Variants in NEGR1 observed in about 807,000 individuals in gnomAD.
NEGR1 encodes the protein neuronal growth regulator 1.
In NEGR1, 10 loss-of-function variants were observed where a neutral mutation model predicts 40.9. That is an observed-to-expected ratio of 0.24 (90% CI 0.15 to 0.42). NEGR1 has a LOEUF of 0.42. NEGR1 is among the 10% of genes least tolerant of loss of function. NEGR1 has a pLI of 1.00. For missense variants in NEGR1, 352 were observed against 438.9 expected, an observed-to-expected ratio of 0.80 and a Z score of 1.77; for synonymous variants, 185 against 166.8, an observed-to-expected ratio of 1.11 and a Z score of -0.84.
intron 1 of NEGR1, among the ~76,000 whole-genome samples, chr1:72,035,947 C>T (rs1470114813): frequency 1.3e-5 from 2 of 152,062 alleles, no homozygotes; most frequent in Admixed American, 6.6e-5. Context: ...ATATCTCACT[C>T]GTTGTATTGT....
chr1:71,495,182 C>T (rs1646953482), intron 6 of NEGR1, among the ~76,000 whole-genome samples: 1 of 152,020 alleles, frequency 6.6e-6, no homozygotes, highest in Non-Finnish European at 1.5e-5. Flanking sequence ...TTGGAGGAGT[C>T]AAAAGTCATG....
intron 1 of NEGR1, among the ~76,000 whole-genome samples, chr1:72,135,375 C>CAAAAAAA (rs71074819): frequency 1.1e-4 from 8 of 71,374 alleles, no homozygotes; most frequent in Middle Eastern, 0.011. Context: ...GACTCCGTCT[C>CAAAAAAA]AAAAAAAAAA....
At chr1:71,688,762 G>T (rs1226341254) in intron 4 of NEGR1, among the ~76,000 whole-genome samples, 1 of 152,108 alleles carries the variant, frequency 6.6e-6, no homozygotes, top group Non-Finnish European at 1.5e-5. Flanking sequence ...GAGGAAGGTT[G>T]ACATGTAAAC....
chr1:72,174,848 A>G (rs993280465), intron 1 of NEGR1, among the ~76,000 whole-genome samples: 1 of 152,166 alleles, frequency 6.6e-6, no homozygotes, highest in African/African-American at 2.4e-5. Flanking sequence ...AGTAAAAACA[A>G]AAACAAAAAA....
chr1:71,795,089 A>G (rs1027825573), intron 2 of NEGR1, among the ~76,000 whole-genome samples: 39 of 152,100 alleles, frequency 2.6e-4, no homozygotes, highest in Admixed American at 2.0e-3. Context: ...GGTAATACCA[A>G]GTTGATGAGA....
chr1:71,681,554 A>G (rs1281107952), intron 4 of NEGR1, among the ~76,000 whole-genome samples: 1 of 152,152 alleles, frequency 6.6e-6, no homozygotes, highest in Non-Finnish European at 1.5e-5. Context: ...CTTCAAATTC[A>G]GTATGATGTA....
intron 6 of NEGR1, among the ~76,000 whole-genome samples, chr1:71,425,114 A>G (rs1452338735): frequency 6.6e-6 from 1 of 150,986 alleles, no homozygotes; most frequent in Non-Finnish European, 1.5e-5. Context: ...TTAGAAATTA[A>G]AAAAAAAAGA....
intron 1 of NEGR1, among the ~76,000 whole-genome samples, chr1:71,959,401 C>A (rs1646145051): frequency 6.6e-6 from 1 of 152,042 alleles, no homozygotes; most frequent in Admixed American, 6.6e-5. Flanking sequence ...TGGTACAAAC[C>A]CAAATAAATT....
chr1:72,002,818 T>C (rs1285559089), intron 1 of NEGR1, among the ~76,000 whole-genome samples: 2 of 152,204 alleles, frequency 1.3e-5, no homozygotes, highest in East Asian at 3.8e-4. Flanking sequence ...ATTTACCACA[T>C]ATCTCTCATG....
At chr1:71,570,915 A>G (rs1268906807) in intron 6 of NEGR1, 1 of 152,162 alleles carries the variant, frequency 6.6e-6, no homozygotes, top group Non-Finnish European at 1.5e-5. Flanking sequence ...CAATTGATAG[A>G]AAAAGGCACC....
intron 1 of NEGR1, among the ~76,000 whole-genome samples, chr1:72,047,100 C>T (rs1647009775): frequency 6.6e-6 from 1 of 151,382 alleles, no homozygotes; most frequent in East Asian, 1.9e-4. Context: ...TGGCTTCTTC[C>T]CAAGTTCATT....
At chr1:71,804,110 A>C (rs1657664798) in intron 2 of NEGR1, among the ~76,000 whole-genome samples, 1 of 152,180 alleles carries the variant, frequency 6.6e-6, no homozygotes, top group Non-Finnish European at 1.5e-5. Flanking sequence ...TCAGGAGTCT[A>C]GTATACAACC....
chr1:71,642,129 C>T (rs973160864), intron 4 of NEGR1, among the ~76,000 whole-genome samples: 8 of 151,916 alleles, frequency 5.3e-5, no homozygotes, highest in Admixed American at 1.3e-4. Flanking sequence ...GTCAGGGGAG[C>T]GACACAGTGA....
At chr1:71,703,357 G>C (rs2101634314) in intron 3 of NEGR1, 1 of 151,704 alleles carries the variant, frequency 6.6e-6, no homozygotes, top group Middle Eastern at 3.4e-3. Context: ...CTCTTTAAGG[G>C]AACAAAACAA....
chr1:71,901,912 GCCCA>G (rs1040943761), intron 2 of NEGR1, among the ~76,000 whole-genome samples: 1 of 151,818 alleles, frequency 6.6e-6, no homozygotes, highest in Non-Finnish European at 1.5e-5. Flanking sequence ...CTTGTGATCT[GCCCA>G]CCTCGACCTC....
chr1:72,001,140 A>G (rs1034351383), intron 1 of NEGR1, among the ~76,000 whole-genome samples: 8 of 152,102 alleles, frequency 5.3e-5, no homozygotes, highest in African/African-American at 7.2e-5. Context: ...ATTTATGCAA[A>G]TGAGATGCCC....
At chr1:72,217,056 T>C (rs745940807) in intron 1 of NEGR1, among the ~76,000 whole-genome samples, 16 of 151,746 alleles carry the variant, frequency 1.1e-4, no homozygotes, top group Non-Finnish European at 7.4e-5. Context: ...TTCTATAAAT[T>C]ATATTAGTAT....
Position 71,397,163 on chromosome 1 carries a change from T to TA in NEGR1, c.*10282dup, listed in dbSNP as rs1179887617. The TA allele has an allele frequency of 6.5e-6, 1 of 153,130 alleles. No homozygotes were observed. The highest frequency in any genetic ancestry group is 2.4e-5 in the African/African-American group (1 of 41,462). The allele number at this position is 153,130 out of a possible 1,614,324, so 9.5% of individuals were successfully genotyped here. A position where few individuals can be genotyped will look rare whatever the true frequency, so the allele number is the denominator to read the frequency against. Reference sequence around the variant, plus strand: ...GAACTGGAGCAAAGGTGACTCTTGTTATGTTTTAGCAAAGAGATGGGTAGC... The same window carrying TA: ...GAACTGGAGCAAAGGTGACTCTTGTTAATGTTTTAGCAAAGAGATGGGTAGC... On this transcript the variant is annotated 3_prime_UTR_variant, in exon 7 of 7. Coordinates refer to ENST00000357731, the MANE Select transcript of NEGR1 (RefSeq NM_173808.3).
intron 6 of NEGR1, among the ~76,000 whole-genome samples, chr1:71,580,830 A>T (rs1190584764): frequency 2.6e-5 from 4 of 152,278 alleles, no homozygotes; most frequent in East Asian, 1.9e-4. Flanking sequence ...ATTTGTCTAG[A>T]GTCATGTAGG....
Sources: gnomAD v4.1 joint callset for allele counts (sites outside exome capture counted in the v4.1 genomes callset) on GRCh38, gnomAD v4.1.1 for gene constraint, MANE v1.5 for transcripts, NCBI Gene and HGNC (gene_info 2026-07-23, HGNC 2026-07-21) for gene names.